The following PDCD6 variants were observed in gnomAD, a reference collection of about 807,000 sequenced individuals.
PDCD6 encodes programmed cell death protein 6.
Under a neutral mutation model 28.3 loss-of-function variants are expected in PDCD6, and 12 were observed. The ratio of observed to expected loss-of-function variants is 0.42; its 90% confidence interval spans 0.27 to 0.69. The LOEUF (loss-of-function observed/expected upper bound fraction) is 0.69, where lower values mean the gene tolerates loss of function less well. PDCD6 is among the 30% of genes least tolerant of loss of function. PDCD6 has a pLI of 0.22. For synonymous variants in PDCD6, 92 were observed against 108.0 expected (o/e 0.85, Z 0.92); for missense variants, 226 against 269.9 (o/e 0.84, Z 1.14).
chr5:304,156 C>T, intron 2 of PDCD6, 21 bp from the exon 3 acceptor site: 1 of 1,295,262 alleles, frequency 7.7e-7, no homozygotes, highest in South Asian at 1.3e-5. Context: ...TACTTTAACT[C>T]CTGTTGTTGT....
intron 2 of PDCD6, chr5:288,919 T>A: frequency 6.3e-7 from 1 of 1,578,934 alleles, no homozygotes; most frequent in Non-Finnish European, 8.7e-7. Context: ...CCAGTTTTAC[T>A]GGAATTAGAT....
At chr5:282,322 A>G (rs997053078) in intron 2 of PDCD6, among the ~76,000 whole-genome samples, 4 of 149,236 alleles carry the variant, frequency 2.7e-5, no homozygotes, top group Admixed American at 6.7e-5. Flanking sequence ...TCAGCTGGAG[A>G]CTCGGGGAGG....
intron 2 of PDCD6, among the ~76,000 whole-genome samples, chr5:291,786 T>C (rs2126723124): frequency 6.6e-6 from 1 of 152,358 alleles, no homozygotes; most frequent in Middle Eastern, 3.4e-3. Context: ...GCATGGGAAA[T>C]GTCTTCCATC....
At chr5:277,795 A>C (rs1191236073) in intron 2 of PDCD6, among the ~76,000 whole-genome samples, 1 of 151,530 alleles carries the variant, frequency 6.6e-6, no homozygotes, top group African/African-American at 2.4e-5. Context: ...CGCGCCTATA[A>C]TCCCAGCTAC....
At chr5:288,292 T>TATAATATA (rs56208909) in intron 2 of PDCD6, among the ~76,000 whole-genome samples, 12 of 107,110 alleles carry the variant, frequency 1.1e-4, no homozygotes, top group African/African-American at 3.3e-4. Flanking sequence ...AATATATATA[T>TATAATATA]TATATATATA....
chr5:275,896 T>A, intron 2 of PDCD6: 1 of 562,718 alleles, frequency 1.8e-6, no homozygotes, highest in Non-Finnish European at 3.0e-6. Context: ...CCACCACACC[T>A]CTGCCTGGTG....
At chr5:288,510 A>T (rs983003999) in intron 2 of PDCD6, among the ~76,000 whole-genome samples, 1 of 151,554 alleles carries the variant, frequency 6.6e-6, no homozygotes, top group Non-Finnish European at 1.5e-5. Context: ...ATCTCAAAAA[A>T]CTTTTCAAAA....
In PDCD6 at chr5:306,716, G is replaced by C; in HGVS notation, c.323G>C (p.Gly108Ala). Residue 108 changes from glycine to alanine, a missense_variant, in exon 4 of 6, where the codon GGG becomes GCG. Transcript: ENST00000264933. Reference protein sequence around the residue: ...VFRTYDRDNSGMIDKNELKQA... With the variant: ...VFRTYDRDNSAMIDKNELKQA... ...CGCACGTACGACCGGGACAACTCCG[G>C]GATGATCGATAAGAACGAGCTGAAG... The C allele has an allele frequency of 6.2e-7, 1 of 1,614,044 alleles. No individual in the cohort carries two copies. The highest frequency in any genetic ancestry group is 8.5e-7 in the Non-Finnish European group (1 of 1,180,034).
chr5:289,075 C>T, intron 2 of PDCD6: 1 of 1,269,306 alleles, frequency 7.9e-7, no homozygotes, highest in Non-Finnish European at 1.2e-6. Flanking sequence ...AAAGTCTCTT[C>T]ATTCACAGTT....
chr5:288,691 C>G (rs1739137751), intron 2 of PDCD6: 5 of 417,982 alleles, frequency 1.2e-5, no homozygotes, highest in Non-Finnish European at 2.1e-5. Flanking sequence ...ACAACTCTTC[C>G]AGGAATTATC....
At chr5:285,947 G>T (rs533394162) in intron 2 of PDCD6, among the ~76,000 whole-genome samples, 1 of 150,772 alleles carries the variant, frequency 6.6e-6, no homozygotes, top group Non-Finnish European at 1.5e-5. Flanking sequence ...CTTGAGACCC[G>T]GCGGGTAGCT....
rs188189363 is a variant in PDCD6, at chr5:290,391, C to T, written c.164-13786C>T. On this transcript the variant is annotated intron_variant, in intron 2 of 5. Transcript: ENST00000264933. ...TCTTGGGGACCGGAATGCCTCCCCC[C>T]ACCCCCCGACGTCCTCCCACTCCCT... is the stretch of plus-strand genomic sequence containing the variant. 575 of 823,374 alleles carry T rather than the reference C, an allele frequency of 7.0e-4. 1 individual carries two copies. In the African/African-American group the frequency reaches 8.5e-3, roughly 12 times the overall value. 51.0% of individuals were successfully genotyped at this position (823,374 alleles called of 1,614,324 possible).
intron 3 of PDCD6, 21 bp from the exon 4 acceptor site, chr5:306,581 G>T (rs754897519): frequency 1.2e-6 from 2 of 1,609,692 alleles, no homozygotes; most frequent in South Asian, 2.2e-5. Context: ...TTTGCTGCTT[G>T]ACCGTTCCTC....
intron 2 of PDCD6, among the ~76,000 whole-genome samples, chr5:303,721 G>A (rs536130523): frequency 6.9e-4 from 104 of 150,768 alleles, no homozygotes; most frequent in Non-Finnish European, 1.3e-3. Context: ...ATGCCACAGC[G>A]ACCAAGCTAT....
chr5:290,282 C>T, intron 2 of PDCD6: 1 of 1,448,732 alleles, frequency 6.9e-7, no homozygotes, highest in Non-Finnish European at 9.7e-7. Flanking sequence ...CCCCTCTTCT[C>T]AAAATCTTTC....
chr5:274,771 T>A (rs1561028294), intron 2 of PDCD6, among the ~76,000 whole-genome samples: 1 of 151,972 alleles, frequency 6.6e-6, no homozygotes, highest in African/African-American at 2.4e-5. Context: ...TGGGTTCCTG[T>A]ATTTTCACCA....
chr5:277,808 G>T (rs927499606), intron 2 of PDCD6, among the ~76,000 whole-genome samples: 1 of 151,658 alleles, frequency 6.6e-6, no homozygotes, highest in African/African-American at 2.4e-5. Flanking sequence ...CCAGCTACTC[G>T]GGAGGCTGAG....
chr5:292,339 A>G (rs925079914), intron 2 of PDCD6, among the ~76,000 whole-genome samples: 23 of 152,160 alleles, frequency 1.5e-4, no homozygotes, highest in Middle Eastern at 3.4e-3. Flanking sequence ...GCTCACTGCA[A>G]CCTCCACCTT....
chr5:276,969 T>C (rs1417747490), intron 2 of PDCD6: 1 of 981,666 alleles, frequency 1.0e-6, no homozygotes, highest in Non-Finnish European at 1.2e-6. Context: ...TTCGGGTGTT[T>C]GGGGTTTTTT....
Sources: gnomAD v4.1 joint callset for allele counts (sites outside exome capture counted in the v4.1 genomes callset) on GRCh38, gnomAD v4.1.1 for gene constraint, MANE v1.5 for transcripts, NCBI Gene and HGNC (gene_info 2026-07-23, HGNC 2026-07-21) for gene names.